SMYD2: variants seen among roughly 807,000 people sequenced by gnomAD.
SMYD2 encodes the protein N-lysine methyltransferase SMYD2.
In SMYD2, 53 loss-of-function variants were observed where a neutral mutation model predicts 59.1. The observed-to-expected ratio is 0.90, with a 90% CI of 0.72 to 1.13. The LOEUF (loss-of-function observed/expected upper bound fraction) is 1.13, where lower values mean the gene tolerates loss of function less well. SMYD2 is among the 50% of genes most tolerant of loss of function. SMYD2 has a pLI of 0.00. For synonymous variants in SMYD2, 208 were observed against 198.8 expected (o/e 1.05, Z -0.39); for missense variants, 494 against 544.7 (o/e 0.91, Z 0.93).
At position 214,314,887 on chromosome 1, in the gene SMYD2, C is replaced by G; in HGVS notation, c.348+15C>G. On this transcript the variant is annotated intron_variant, in intron 3 of 11. Transcript: ENST00000366957. ...TGGCCAAACAGGTGAGGAAATGGGA[C>G]AATGTTCAAGTGCATTTTATTTTGT... is the stretch of plus-strand genomic sequence containing the variant. The G allele has an allele frequency of 6.3e-7, 1 of 1,581,760 alleles. No individual in the cohort carries two copies.
chr1:214,324,234 G>C (rs1273234123), intron 5 of SMYD2, among the ~76,000 whole-genome samples: 1 of 152,204 alleles, frequency 6.6e-6, no homozygotes, highest in African/African-American at 2.4e-5. Context: ...ACCACGCCCA[G>C]CCAGATTGAT....
intron 1 of SMYD2, among the ~76,000 whole-genome samples, chr1:214,296,137 T>C (rs1656722145): frequency 6.6e-6 from 1 of 152,362 alleles, no homozygotes; most frequent in South Asian, 2.1e-4. Context: ...TAGCAGAAAG[T>C]AGGGAGCTTA....
chr1:214,319,953 G>T (rs892385097), intron 5 of SMYD2, among the ~76,000 whole-genome samples: 1 of 152,350 alleles, frequency 6.6e-6, no homozygotes, highest in African/African-American at 2.4e-5. Flanking sequence ...CTGTTTGCAG[G>T]AATCTGTCCT....
chr1:214,327,037 T>C (rs1159789081), intron 6 of SMYD2, among the ~76,000 whole-genome samples: 1 of 152,214 alleles, frequency 6.6e-6, no homozygotes, highest in Non-Finnish European at 1.5e-5. Context: ...TCTCTCTCCT[T>C]CTCGCTGTCC....
rs1366434510 is a variant in SMYD2 at position 214,336,737 on chromosome 1, G to A, written c.1255G>A (p.Asp419Asn). The change falls in exon 12 of 12, where the codon GAT becomes AAT. Residue 419 changes from aspartate to asparagine, a missense_variant. By Grantham distance (23) the Asp-to-Asn change is conservative. Coordinates refer to ENST00000366957, the MANE Select transcript of SMYD2 (RefSeq NM_020197.3). ...IAIMEVAHGK[D>N]HPYISEIKQE... ...AATCATGGAAGTAGCTCACGGCAAA[G>A]ATCATCCATATATTTCTGAGATCAA... 1.9e-6 allele frequency: 3 copies of A among 1,613,686 alleles called. No homozygotes were observed. The highest frequency in any genetic ancestry group is 2.5e-6 in the Non-Finnish European group (3 of 1,179,970).
chr1:214,318,807 G>A lies in SMYD2; in HGVS notation c.410-52G>A. 6.3e-7 allele frequency: 1 copy of A among 1,590,454 alleles called. No individual in the cohort carries two copies. ...TCATTTACAGCAAAAATAGGATGTA[G>A]CTAGAAATCCCACGCTTTCTACTGG... On this transcript the variant is annotated intron_variant, in intron 4 of 11. Transcript: ENST00000366957. The surrounding 1 kb of genome is among the most constrained non-coding windows in gnomAD (Gnocchi z 5.4).
intron 1 of SMYD2, among the ~76,000 whole-genome samples, chr1:214,297,992 G>C (rs547909038): frequency 1.3e-5 from 2 of 152,146 alleles, no homozygotes; most frequent in South Asian, 4.2e-4. Flanking sequence ...GCAATCTACA[G>C]ATTTCAACAC....
At chr1:214,333,983 A>G in intron 10 of SMYD2, 1 of 431,134 alleles carries the variant, frequency 2.3e-6, no homozygotes, top group Non-Finnish European at 4.3e-6. Context: ...GTAGCTTTTC[A>G]GAAACACACA....
intron 1 of SMYD2, among the ~76,000 whole-genome samples, chr1:214,300,604 T>C (rs1047277978): frequency 6.6e-6 from 1 of 152,220 alleles, no homozygotes; most frequent in African/African-American, 2.4e-5. Flanking sequence ...TGCTTTGTTG[T>C]TACTATTAGC....
intron 1 of SMYD2, among the ~76,000 whole-genome samples, chr1:214,292,909 C>T (rs1656658960): frequency 6.6e-6 from 1 of 152,136 alleles, no homozygotes; most frequent in African/African-American, 2.4e-5. Flanking sequence ...TCCTTATCCT[C>T]TGCCTCCTTC....
intron 5 of SMYD2, among the ~76,000 whole-genome samples, chr1:214,320,482 C>T (rs74978519): frequency 4.5e-4 from 69 of 152,132 alleles, no homozygotes; most frequent in South Asian, 1.2e-3. Flanking sequence ...AGAAAGTGGC[C>T]AGGCACCATG....
rs542113882 is a variant in SMYD2, at chr1:214,291,931, TTTTG to T, written c.173+10524_173+10527del. Among the ~76,000 whole-genome samples the T allele has an allele frequency of 3.1e-3, 473 of 152,306 alleles. 4 individuals carry two copies. Among genetic ancestry groups the T allele is most frequent in the African/African-American group, 0.011 (446 of 41,574 alleles). ...AGCACTCTAAAAAAACCTTTAGGGTTTTTGTTTGTTTGTTTGTTTGTTTTTTAAC... is the reference window on the plus strand; with the variant it reads ...AGCACTCTAAAAAAACCTTTAGGGTTTTTGTTTGTTTGTTTGTTTTTTAAC... On this transcript the variant is annotated intron_variant, in intron 1 of 11. Transcript: ENST00000366957.
chr1:214,330,336 C>A, intron 8 of SMYD2, 58 bp downstream of exon 8: 1 of 1,197,370 alleles, frequency 8.4e-7, no homozygotes, highest in Non-Finnish European at 1.2e-6. Flanking sequence ...GACCTCTCTG[C>A]TGAAGAGCTT....
intron 8 of SMYD2, among the ~76,000 whole-genome samples, 167 bp downstream of exon 8, chr1:214,330,445 G>T (rs950063322): frequency 1.3e-5 from 2 of 152,100 alleles, no homozygotes; most frequent in African/African-American, 4.8e-5. Context: ...TCTCTGTTCA[G>T]ACCTGCTCCT....
intron 1 of SMYD2, among the ~76,000 whole-genome samples, chr1:214,287,904 A>G (rs1656577050): frequency 1.3e-5 from 2 of 152,160 alleles, no homozygotes; most frequent in African/African-American, 4.8e-5. Flanking sequence ...TTTCAGCACA[A>G]TTGTTTCAAC....
intron 2 of SMYD2, among the ~76,000 whole-genome samples, chr1:214,313,849 C>A (rs1300705621): frequency 6.6e-6 from 1 of 152,056 alleles, no homozygotes; most frequent in South Asian, 2.1e-4. Flanking sequence ...TCCCTCTACC[C>A]GGGGCAGGGA....
chr1:214,285,835 T>G (rs1342783895), intron 1 of SMYD2, among the ~76,000 whole-genome samples: 1 of 152,232 alleles, frequency 6.6e-6, no homozygotes, highest in Non-Finnish European at 1.5e-5. Flanking sequence ...CTAGGCTGTA[T>G]GGTATAGCCT....
chr1:214,292,210 C>T (rs1032447749), intron 1 of SMYD2, among the ~76,000 whole-genome samples: 1 of 152,092 alleles, frequency 6.6e-6, no homozygotes, highest in Non-Finnish European at 1.5e-5. Context: ...CTGATGGACA[C>T]CCTCAGGCCA....
chr1:214,303,501 T>C (rs769032796), intron 1 of SMYD2, among the ~76,000 whole-genome samples: 1 of 152,208 alleles, frequency 6.6e-6, no homozygotes, highest in Non-Finnish European at 1.5e-5. Flanking sequence ...ATCAGCTAAA[T>C]TAGCGGGTTC....
Sources: gnomAD v4.1 joint callset for allele counts (sites outside exome capture counted in the v4.1 genomes callset) on GRCh38, gnomAD v4.1.1 for gene constraint, Gnocchi (gnomAD v3.1) non-coding constraint, MANE v1.5 for transcripts, NCBI Gene and HGNC (gene_info 2026-07-23, HGNC 2026-07-21) for gene names.